The following TTBK1 variants were observed in gnomAD, a reference collection of about 807,000 sequenced individuals.
TTBK1 encodes the protein tau tubulin kinase 1, also known as tau-tubulin kinase 1.
Under a neutral mutation model 108.5 loss-of-function variants are expected in TTBK1, and 34 were observed. The observed-to-expected ratio is 0.31, with a 90% CI of 0.24 to 0.42. The LOEUF is 0.42. TTBK1 is among the 10% of genes least tolerant of loss of function. The pLI is 1.00. For synonymous variants in TTBK1, 809 were observed against 795.1 expected, an observed-to-expected ratio of 1.02 and a Z score of -0.29; for missense variants, 1,539 against 1,826.0, an observed-to-expected ratio of 0.84 and a Z score of 2.86.
rs967568876 is a variant in TTBK1, at chr6:43,265,452, G to A, written c.1986+2102G>A. On this transcript the variant is annotated intron_variant, in intron 13 of 14. Coordinates refer to ENST00000259750, the MANE Select transcript of TTBK1 (RefSeq NM_032538.3). The surrounding 1 kb of genome is among the most constrained non-coding windows in gnomAD (Gnocchi z 4.1). ...CTGGAAACTGGGGGCTCAAAAAGTG[G>A]GGCCCGTGAGTCCTCACCCAGAGAG... Among the ~76,000 whole-genome samples, 1 of 152,234 alleles carries A rather than the reference G, an allele frequency of 6.6e-6. No individual in the cohort carries two copies. Among genetic ancestry groups the A allele is most frequent in the African/African-American group, 2.4e-5 (1 of 41,460 alleles).
chr6:43,284,877 G>A (rs1272288198), intron 14 of TTBK1, 106 bp from the exon 15 acceptor site: 1 of 1,391,796 alleles, frequency 7.2e-7, no homozygotes, highest in Non-Finnish European at 9.3e-7. Context: ...TCTCAGCTCT[G>A]AGGATGCCGG....
intron 13 of TTBK1, among the ~76,000 whole-genome samples, chr6:43,278,717 A>G (rs1280715005): frequency 6.6e-6 from 1 of 152,250 alleles, no homozygotes; most frequent in African/African-American, 2.4e-5. Flanking sequence ...AATGAACTCA[A>G]GATCAAATGG....
chr6:43,254,930 G>T, intron 6 of TTBK1, 119 bp from the exon 7 acceptor site: 1 of 1,034,242 alleles, frequency 9.7e-7, no homozygotes, highest in Non-Finnish European at 1.5e-6. Flanking sequence ...CAGAGAGCAG[G>T]CCCACCTCCC....
intron 10 of TTBK1, 129 bp downstream of exon 10, chr6:43,258,095 T>C: frequency 1.9e-6 from 2 of 1,072,510 alleles, no homozygotes; most frequent in Non-Finnish European, 2.6e-6. Flanking sequence ...AGTGGAGTTC[T>C]GGGACTTTGG....
rs1777470985 is a variant in TTBK1, at chr6:43,259,416, A to G, written c.1249-115A>G. 7.4e-7 allele frequency: 1 copy of G among 1,342,444 alleles called. No homozygotes were observed. The highest frequency in any genetic ancestry group is 1.0e-6 in the Non-Finnish European group (1 of 993,846). 83.2% of individuals were successfully genotyped at this position (1,342,444 alleles called of 1,614,324 possible). A position where few individuals can be genotyped will look rare whatever the true frequency, so the allele number is the denominator to read the frequency against. On this transcript the variant is annotated intron_variant, in intron 11 of 14. Transcript: ENST00000259750. The surrounding 1 kb of genome is among the most constrained non-coding windows in gnomAD (Gnocchi z 6.7). ...CCTCTGTTTCCCGGTCCCTCCCCGCACTAGCCTCGCTGTGTCTTCCATCAT... is the reference window on the plus strand; with the variant it reads ...CCTCTGTTTCCCGGTCCCTCCCCGCGCTAGCCTCGCTGTGTCTTCCATCAT...
In TTBK1 at chr6:43,257,817, C is replaced by G; in HGVS notation, c.867C>G (p.Ile289Met). The change falls in exon 10 of 15, where the codon ATC becomes ATG. Residue 289 changes from isoleucine to methionine, a missense_variant. Around this residue, in one of 5 missense-constraint regions of TTBK1, gnomAD observed 277 missense variants for 332.4 expected, o/e 0.83. Transcript: ENST00000259750. The surrounding 1 kb of genome is among the most constrained non-coding windows in gnomAD (Gnocchi z 4.5). The stretch of plus-strand genomic sequence containing the variant: ...ATCACCCTCACCCCCTGCAGTTGAT[C>G]ATGTCAGTGTTTGAGAACAGCATGA... ...DYFTKPDYQLIMSVFENSMKE... is the reference protein window; with the variant it reads ...DYFTKPDYQLMMSVFENSMKE... The G allele has an allele frequency of 6.2e-7, 1 of 1,613,352 alleles. No homozygotes were observed. The highest frequency in any genetic ancestry group is 8.5e-7 in the Non-Finnish European group (1 of 1,179,612).
chr6:43,285,611 C>G lies in TTBK1; in HGVS notation c.*235C>G, dbSNP rs1006017137. The G allele has an allele frequency of 1.8e-4, 66 of 374,756 alleles. No individual in the cohort carries two copies. Among genetic ancestry groups the G allele is most frequent in the Non-Finnish European group, 2.6e-4 (59 of 223,898 alleles). The allele number at this position is 374,756 out of a possible 1,614,324, so 23.2% of individuals were successfully genotyped here. ...CGGGGAGGGTCTGCCTCCCCTTCCT[C>G]GCCCTGTGTCCTCTCATCCTCCCGC... On this transcript the variant is annotated 3_prime_UTR_variant, in exon 15 of 15. Transcript: ENST00000259750. This position sits in a 1 kb window ranked among gnomAD's most constrained non-coding sequence, Gnocchi z 4.7.
At chr6:43,251,162 C>A (rs973094745) in intron 2 of TTBK1, among the ~76,000 whole-genome samples, 2 of 152,232 alleles carry the variant, frequency 1.3e-5, no homozygotes, top group African/African-American at 4.8e-5. Flanking sequence ...TCAATGGTAA[C>A]CTGGGAACTC....
At chr6:43,244,239 A>C (rs1582466714) in intron 1 of TTBK1, among the ~76,000 whole-genome samples, 2 of 147,190 alleles carry the variant, frequency 1.4e-5, no homozygotes, top group East Asian at 2.0e-4. Context: ...CTCCCTCCAC[A>C]CCTCTTTCAC....
At chr6:43,245,858 C>T (rs190755400) in intron 1 of TTBK1, among the ~76,000 whole-genome samples, 1 of 152,250 alleles carries the variant, frequency 6.6e-6, no homozygotes, top group Admixed American at 6.5e-5. Flanking sequence ...TTTTCCTGTC[C>T]TCCCCAGTTC....
intron 12 of TTBK1, among the ~76,000 whole-genome samples, chr6:43,261,067 A>T (rs1440621924): frequency 6.6e-6 from 1 of 152,204 alleles, no homozygotes; most frequent in Non-Finnish European, 1.5e-5. Flanking sequence ...TTGACATGGG[A>T]GCATAAATAT....
rs1777286441 is a variant in TTBK1, at chr6:43,253,004, G to T, written c.256+118G>T. ...GATGTCGTGTGGTAGAGGGAAAAGGGGATGGAGCCAGGAGCTAAGGGGGAG... is the reference window on the plus strand; with the variant it reads ...GATGTCGTGTGGTAGAGGGAAAAGGTGATGGAGCCAGGAGCTAAGGGGGAG... On this transcript the variant is annotated intron_variant, in intron 3 of 14. Coordinates refer to ENST00000259750, the MANE Select transcript of TTBK1 (RefSeq NM_032538.3). This position sits in a 1 kb window ranked among gnomAD's most constrained non-coding sequence, Gnocchi z 5.8. 2.9e-5 allele frequency: 38 copies of T among 1,315,400 alleles called. 1 individual carries two copies. In the South Asian group the frequency reaches 4.8e-4, roughly 17 times the overall value. The allele number at this position is 1,315,400 out of a possible 1,614,324, so 81.5% of individuals were successfully genotyped here.
rs1319558619 is a variant in TTBK1 at position 43,276,432 on chromosome 6, T to G, written c.1987-6295T>G. 6.6e-6 allele frequency among the ~76,000 whole-genome samples: 1 copy of G among 152,060 alleles called. No individual in the cohort carries two copies. Among genetic ancestry groups the G allele is most frequent in the Non-Finnish European group, 1.5e-5 (1 of 67,992 alleles). The stretch of plus-strand genomic sequence containing the variant: ...CCCCCTGCCCCTAGACTGCGAGTAC[T>G]GTACAAATCCAACACTTGAAACCGA... On this transcript the variant is annotated intron_variant, in intron 13 of 14. Transcript: ENST00000259750. The surrounding 1 kb of genome is among the most constrained non-coding windows in gnomAD (Gnocchi z 5.4).
In TTBK1 at chr6:43,246,744, C is replaced by T. The variant is rs1188479483; in HGVS notation, c.84C>T (p.Tyr28=). The change falls in exon 2 of 15, where the codon TAC becomes TAT. Residue 28 remains tyrosine, a synonymous_variant. Coordinates refer to ENST00000259750, the MANE Select transcript of TTBK1 (RefSeq NM_032538.3). ...AGGCCGACATCCTGCCGGCCAACTA[C>T]GTGGTCAAGGATCGCTGGAAGGTGG... ...GEQADILPAN[Y]VVKDRWKVLK... The T allele has an allele frequency of 1.2e-6, 2 of 1,611,870 alleles. No individual in the cohort carries two copies. Among genetic ancestry groups the T allele is most frequent in the Admixed American group, 1.7e-5 (1 of 59,706 alleles).
At chr6:43,268,345 CCTAG>C (rs1777735628) in intron 13 of TTBK1, among the ~76,000 whole-genome samples, 1 of 152,208 alleles carries the variant, frequency 6.6e-6, no homozygotes, top group Non-Finnish European at 1.5e-5. Flanking sequence ...TCAGAAGGAT[CCTAG>C]ACTTGGCCAA....
intron 13 of TTBK1, among the ~76,000 whole-genome samples, chr6:43,266,313 AC>A (rs1216592386): frequency 2.0e-5 from 3 of 152,266 alleles, no homozygotes; most frequent in Non-Finnish European, 4.4e-5. Flanking sequence ...TGTGTACAGA[AC>A]CACAGATGCC....
intron 13 of TTBK1, among the ~76,000 whole-genome samples, chr6:43,280,834 G>A (rs1778136535): frequency 6.6e-6 from 1 of 152,114 alleles, no homozygotes; most frequent in Admixed American, 6.5e-5. Context: ...TGTTTGAGCT[G>A]GTCTTGAAGG....
Position 43,263,252 on chromosome 6 carries a change from T to C in TTBK1, c.1888T>C (p.Ser630Pro). ...LSQGDGRSET[S>P]QPPTPGSPSH... The stretch of plus-strand genomic sequence containing the variant: ...CCAGGGCGATGGCCGTTCCGAGACG[T>C]CACAGCCCCCCACGCCTGGCAGCCC... The change falls in exon 13 of 15, where the codon TCA (serine) becomes CCA (proline). Residue 630 changes from serine (S) to proline (P), a missense_variant. This residue lies in a region of TTBK1 where 1,055 missense variants were observed against 1,086.5 expected (regional missense o/e 0.97). Coordinates refer to ENST00000259750, the MANE Select transcript of TTBK1 (RefSeq NM_032538.3). This position sits in a 1 kb window ranked among gnomAD's most constrained non-coding sequence, Gnocchi z 4.7. 1 of 1,554,070 alleles carries C rather than the reference T, an allele frequency of 6.4e-7. No homozygotes were observed.
chr6:43,266,425 GTATA>G (rs1562091467), intron 13 of TTBK1, among the ~76,000 whole-genome samples: 2 of 152,204 alleles, frequency 1.3e-5, no homozygotes, highest in African/African-American at 2.4e-5. Flanking sequence ...ATGTTTACAT[GTATA>G]TTCTTCACAA....
Sources: gnomAD v4.1 joint callset for allele counts (sites outside exome capture counted in the v4.1 genomes callset) on GRCh38, gnomAD v4.1.1 for gene constraint, gnomAD v4.1.1 regional missense constraint, Gnocchi (gnomAD v3.1) non-coding constraint, MANE v1.5 for transcripts, NCBI Gene and HGNC (gene_info 2026-07-23, HGNC 2026-07-21) for gene names.